The following DPP10 variants were observed in gnomAD, a reference collection of about 807,000 sequenced individuals.
The protein encoded by DPP10 is dipeptidyl peptidase like 10.
In DPP10, 33 loss-of-function variants were observed where a neutral mutation model predicts 120.9. The ratio of observed to expected loss-of-function variants is 0.27; its 90% CI spans 0.21 to 0.37. The LOEUF (loss-of-function observed/expected upper bound fraction) is 0.37, where lower values mean the gene tolerates loss of function less well. Ranked by LOEUF, DPP10 falls within the 10% of genes least tolerant of loss-of-function variation. The pLI, the probability that DPP10 is intolerant of heterozygous loss-of-function variation, is 1.00. For synonymous variants in DPP10, 337 were observed against 326.1 expected (o/e 1.03, Z -0.36); for missense variants, 816 against 942.8 (o/e 0.87, Z 1.76).
intron 1 of DPP10, among the ~76,000 whole-genome samples, chr2:114,645,811 A>G (rs1387444179): frequency 6.6e-6 from 1 of 152,120 alleles, no homozygotes; most frequent in Admixed American, 6.5e-5. Flanking sequence ...GGCACCTGGG[A>G]ACAAATCAAA....
chr2:115,470,871 G>A (rs1422758861), intron 3 of DPP10, among the ~76,000 whole-genome samples: 2 of 152,106 alleles, frequency 1.3e-5, no homozygotes, highest in Non-Finnish European at 2.9e-5. Flanking sequence ...CTTCCAGACA[G>A]TCACCTTTCT....
intron 1 of DPP10, among the ~76,000 whole-genome samples, chr2:114,480,977 A>G (rs1680987871): frequency 6.6e-6 from 1 of 152,056 alleles, no homozygotes; most frequent in South Asian, 2.1e-4. Flanking sequence ...ATAAAAATCA[A>G]CTTAAAATGA....
At chr2:114,909,579 T>G (rs1296309328) in intron 1 of DPP10, among the ~76,000 whole-genome samples, 1 of 152,054 alleles carries the variant, frequency 6.6e-6, no homozygotes, top group Non-Finnish European at 1.5e-5. Context: ...TGGAGATGTA[T>G]AGCGTTCTTA....
intron 1 of DPP10, chr2:115,050,338 A>T (rs1705378186): frequency 1.3e-5 from 2 of 152,238 alleles, no homozygotes; most frequent in South Asian, 4.1e-4. Flanking sequence ...TCAGTGCTGG[A>T]GGGAGCAAAA....
At chr2:114,807,166 A>G (rs1362687586) in intron 1 of DPP10, among the ~76,000 whole-genome samples, 2 of 152,014 alleles carry the variant, frequency 1.3e-5, no homozygotes, top group Admixed American at 6.5e-5. Context: ...GCTATTATCA[A>G]TGGGCTCAAT....
In DPP10 at chr2:115,768,376, T is replaced by A; in HGVS notation, c.1193T>A (p.Phe398Tyr). The A allele has an allele frequency of 6.2e-7, 1 of 1,613,606 alleles. No individual in the cohort carries two copies. Among genetic ancestry groups the A allele is most frequent in the Non-Finnish European group, 8.5e-7 (1 of 1,179,652 alleles). The change falls in exon 13 of 26, where the codon TTT becomes TAT. Residue 398 changes from phenylalanine to tyrosine, a missense_variant. Physicochemically the swap from Phe to Tyr is conservative, Grantham distance 22 (BLOSUM62 3). Coordinates refer to ENST00000410059, the MANE Select transcript of DPP10 (RefSeq NM_020868.6). ...VPVKQGGRGEFHHVAMFLIQS... is the reference protein window; with the variant it reads ...VPVKQGGRGEYHHVAMFLIQS... ...GTTAAGCAAGGGGGACGTGGAGAAT[T>A]TCACCACGTAGCTATGTTCCTCATC...
chr2:114,511,468 C>G (rs142283094), intron 1 of DPP10, among the ~76,000 whole-genome samples: 1 of 152,088 alleles, frequency 6.6e-6, no homozygotes, highest in Non-Finnish European at 1.5e-5. Flanking sequence ...AATTTAAAAA[C>G]GGTTGGAAAG....
intron 1 of DPP10, among the ~76,000 whole-genome samples, chr2:114,704,610 C>T (rs1700577709): frequency 6.6e-6 from 1 of 152,148 alleles, no homozygotes; most frequent in Non-Finnish European, 1.5e-5. Flanking sequence ...ATTGGTATCC[C>T]TCAATAATAT....
chr2:115,566,717 T>C (rs944142559), intron 5 of DPP10, among the ~76,000 whole-genome samples: 9 of 152,232 alleles, frequency 5.9e-5, no homozygotes, highest in African/African-American at 2.2e-4. Context: ...TAAAGAATTA[T>C]ATTAAGGCAT....
intron 5 of DPP10, among the ~76,000 whole-genome samples, chr2:115,542,409 A>T (rs936589785): frequency 6.6e-6 from 1 of 151,992 alleles, no homozygotes; most frequent in Non-Finnish European, 1.5e-5. Context: ...TTTGTGTGCC[A>T]AGATTTTGTT....
chr2:115,289,014 GC>G (rs2060527205), intron 1 of DPP10, among the ~76,000 whole-genome samples: 1 of 152,080 alleles, frequency 6.6e-6, no homozygotes, highest in Non-Finnish European at 1.5e-5. Context: ...ATCTCTGTTT[GC>G]CAGTGATATG....
chr2:115,728,041 T>G (rs1322577674), intron 8 of DPP10, 105 bp downstream of exon 8: 5 of 1,310,518 alleles, frequency 3.8e-6, no homozygotes, highest in Non-Finnish European at 4.1e-6. Flanking sequence ...CAGTACAGTT[T>G]CTTCTCATTT....
intron 2 of DPP10, among the ~76,000 whole-genome samples, chr2:115,327,563 A>G (rs75467745): frequency 0.018 from 2,791 of 152,136 alleles, 30 homozygotes; most frequent in African/African-American, 0.039. Context: ...GAAGAAAAAC[A>G]CCTGTCAGAC....
chr2:114,837,739 A>G (rs1687855388), intron 1 of DPP10, among the ~76,000 whole-genome samples: 1 of 152,174 alleles, frequency 6.6e-6, no homozygotes, highest in South Asian at 2.1e-4. Context: ...GATCTGCCTC[A>G]CAAATCATTG....
At chr2:115,536,502 T>G (rs1043771450) in intron 5 of DPP10, among the ~76,000 whole-genome samples, 1 of 152,018 alleles carries the variant, frequency 6.6e-6, no homozygotes, top group Non-Finnish European at 1.5e-5. Flanking sequence ...TATTCTCAGT[T>G]AAATTAATGA....
At chr2:115,812,472 C>G (rs62156340) in intron 19 of DPP10, among the ~76,000 whole-genome samples, 12,255 of 152,150 alleles carry the variant, frequency 0.081, 657 homozygotes, top group Non-Finnish European at 0.12. Context: ...AACAAACAAA[C>G]AAACAAACAA....
chr2:115,377,952 G>A (rs1178368108), intron 3 of DPP10, among the ~76,000 whole-genome samples: 2 of 151,856 alleles, frequency 1.3e-5, no homozygotes, highest in East Asian at 3.9e-4. Flanking sequence ...TTTGGTTACT[G>A]TAGCCTTGTA....
At chr2:115,837,978 C>A (rs1205046676) in intron 24 of DPP10, among the ~76,000 whole-genome samples, 1 of 152,046 alleles carries the variant, frequency 6.6e-6, no homozygotes, top group African/African-American at 2.4e-5. Context: ...AGAACACCAA[C>A]AAGAAAAACT....
chr2:115,458,256 G>T (rs780740359), intron 3 of DPP10, among the ~76,000 whole-genome samples: 2 of 152,078 alleles, frequency 1.3e-5, no homozygotes, highest in African/African-American at 2.4e-5. Flanking sequence ...TTACCATAGG[G>T]ATGATATGGA....
Sources: gnomAD v4.1 joint callset for allele counts (sites outside exome capture counted in the v4.1 genomes callset) on GRCh38, gnomAD v4.1.1 for gene constraint, MANE v1.5 for transcripts, NCBI Gene and HGNC (gene_info 2026-07-23, HGNC 2026-07-21) for gene names.